Variants in VPS13D observed in about 807,000 individuals in gnomAD.
The protein encoded by VPS13D is intermembrane lipid transfer protein VPS13D.
A neutral mutation model predicts 461.9 loss-of-function variants in VPS13D; 187 were observed. The observed-to-expected ratio is 0.40, with a 90% CI of 0.36 to 0.46. VPS13D has a LOEUF of 0.46. Ranked by LOEUF, VPS13D falls within the 20% of genes least tolerant of loss-of-function variation. The pLI, the probability that VPS13D is intolerant of heterozygous loss-of-function variation, is 0.60. For synonymous variants in VPS13D, 1,951 were observed against 1,986.3 expected (o/e 0.98, Z 0.47); for missense variants, 4,711 against 5,364.9 (o/e 0.88, Z 3.81).
Position 12,279,052 on chromosome 1 carries a change from AT to A in VPS13D, c.4451-446del, listed in dbSNP as rs1418870271. Among the ~76,000 whole-genome samples, 18 of 152,302 alleles carry A rather than the reference AT, an allele frequency of 1.2e-4. No individual in the cohort carries two copies. Among genetic ancestry groups the A allele is most frequent in the African/African-American group, 3.4e-4 (14 of 41,568 alleles). On this transcript the variant is annotated intron_variant, in intron 19 of 69. Coordinates refer to ENST00000620676, the MANE Select transcript of VPS13D (RefSeq NM_015378.4). This position sits in a 1 kb window ranked among gnomAD's most constrained non-coding sequence, Gnocchi z 4.3. ...TCAAAAGATAGCTTTCTCTGCTTGG[AT>A]AAAAGTTGTTTACTTAGAACTTGTA... is the stretch of plus-strand genomic sequence containing the variant.
chr1:12,459,482 C>CTTTT (rs869264869), intron 66 of VPS13D, among the ~76,000 whole-genome samples: 6 of 131,356 alleles, frequency 4.6e-5, no homozygotes, highest in Admixed American at 7.6e-5. Context: ...CTTTTCTTTT[C>CTTTT]TTTTTTTTTT....
intron 5 of VPS13D, 82 bp downstream of exon 5, chr1:12,244,699 A>C: frequency 4.5e-6 from 6 of 1,339,614 alleles, no homozygotes; most frequent in Non-Finnish European, 6.3e-6. Context: ...TTAGTTTCTC[A>C]TTTCTCGTGG....
chr1:12,469,438 A>T (rs1452163893), intron 67 of VPS13D, among the ~76,000 whole-genome samples: 1 of 152,214 alleles, frequency 6.6e-6, no homozygotes, highest in African/African-American at 2.4e-5. Context: ...AAGACTTAAG[A>T]GATTTACAAA....
intron 26 of VPS13D, among the ~76,000 whole-genome samples, chr1:12,306,229 C>A (rs575362374): frequency 1.3e-5 from 2 of 152,266 alleles, no homozygotes; most frequent in South Asian, 2.1e-4. Context: ...CGTGATCCGC[C>A]CCGATTTCAC....
intron 17 of VPS13D, 30 bp downstream of exon 17, chr1:12,271,154 G>A (rs1374167022): frequency 6.2e-7 from 1 of 1,613,042 alleles, no homozygotes; most frequent in Non-Finnish European, 8.5e-7. Flanking sequence ...CACTCTTTGG[G>A]GATTGGGGAA....
chr1:12,320,291 G>A (rs1184885965), intron 32 of VPS13D, among the ~76,000 whole-genome samples: 1 of 152,174 alleles, frequency 6.6e-6, no homozygotes, highest in East Asian at 1.9e-4. Context: ...TTAAGCCATG[G>A]GGTGTGGAGA....
At chr1:12,341,127 A>G (rs1569951469) in intron 40 of VPS13D, among the ~76,000 whole-genome samples, 1 of 152,160 alleles carries the variant, frequency 6.6e-6, no homozygotes, top group Non-Finnish European at 1.5e-5. Context: ...TTTTTGTGCA[A>G]TGAAGCCATA....
intron 52 of VPS13D, among the ~76,000 whole-genome samples, chr1:12,364,823 C>A (rs1006994493): frequency 2.6e-5 from 4 of 152,098 alleles, no homozygotes; most frequent in Non-Finnish European, 5.9e-5. Context: ...CTGTTCAATT[C>A]CTTTGCCAAT....
At chr1:12,295,741 A>G (rs936084542) in intron 24 of VPS13D, among the ~76,000 whole-genome samples, 1 of 152,210 alleles carries the variant, frequency 6.6e-6, no homozygotes, top group African/African-American at 2.4e-5. Flanking sequence ...TAAGATGAAC[A>G]TCTGTGAACC....
chr1:12,309,631 G>A (rs569654586), intron 27 of VPS13D, among the ~76,000 whole-genome samples: 142 of 151,468 alleles, frequency 9.4e-4, no homozygotes, highest in African/African-American at 3.3e-3. Flanking sequence ...GCATGGTGGC[G>A]TGTGCCTGTA....
chr1:12,249,242 A>C lies in VPS13D; in HGVS notation c.467A>C (p.His156Pro). 1.2e-6 allele frequency: 2 copies of C among 1,613,406 alleles called. No homozygotes were observed. Among genetic ancestry groups the C allele is most frequent in the Non-Finnish European group, 1.7e-6 (2 of 1,179,798 alleles). Residue 156 changes from histidine (H) to proline (P), a missense_variant, in exon 6 of 70, where the codon CAT becomes CCT. Physicochemically the swap from His to Pro is moderately conservative, Grantham distance 77. Around this residue, in one of 3 missense-constraint regions of VPS13D, gnomAD observed 4,411 missense variants for 4,937.8 expected, o/e 0.89. Coordinates refer to ENST00000620676, the MANE Select transcript of VPS13D (RefSeq NM_015378.4). ...TTGCAGTTAAAAATTCAAGATGTCC[A>C]TTTACGCTTTGAAGATGGTGTCACC... ...ENIELKIQDV[H>P]LRFEDGVTNP...
At chr1:12,372,118 A>G (rs763354025) in intron 54 of VPS13D, among the ~76,000 whole-genome samples, 4 of 152,092 alleles carry the variant, frequency 2.6e-5, no homozygotes, top group African/African-American at 4.8e-5. Flanking sequence ...CAGTGGCACA[A>G]TCTTGGCCTG....
At chr1:12,393,996 G>A (rs1644462716) in intron 60 of VPS13D, among the ~76,000 whole-genome samples, 1 of 152,182 alleles carries the variant, frequency 6.6e-6, no homozygotes, top group Non-Finnish European at 1.5e-5. Flanking sequence ...CGTCAGCTCA[G>A]AGCCAGTGTC....
At chr1:12,246,200 G>A (rs938036014) in intron 5 of VPS13D, among the ~76,000 whole-genome samples, 7 of 152,144 alleles carry the variant, frequency 4.6e-5, no homozygotes, top group Non-Finnish European at 8.8e-5. Flanking sequence ...AACTGTGTCC[G>A]CTGGCAGTGA....
At chr1:12,440,602 G>A (rs1026945834) in intron 65 of VPS13D, among the ~76,000 whole-genome samples, 8 of 152,172 alleles carry the variant, frequency 5.3e-5, no homozygotes, top group African/African-American at 1.9e-4. Flanking sequence ...GAGGCCAGGC[G>A]CGGTGGCTCA....
At chr1:12,425,159 T>A (rs979144542) in intron 65 of VPS13D, among the ~76,000 whole-genome samples, 2 of 152,144 alleles carry the variant, frequency 1.3e-5, no homozygotes, top group African/African-American at 2.4e-5. Flanking sequence ...TCTTTCTACC[T>A]TATAATTGTT....
At chr1:12,499,782 G>A (rs1461972940) in intron 68 of VPS13D, 8 of 985,204 alleles carry the variant, frequency 8.1e-6, no homozygotes, top group Middle Eastern at 5.2e-4. Flanking sequence ...GGAGTGTGTC[G>A]CATGTTCCTC....
chr1:12,339,743 A>G (rs1320038057), intron 40 of VPS13D, among the ~76,000 whole-genome samples: 2 of 152,216 alleles, frequency 1.3e-5, no homozygotes, highest in African/African-American at 4.8e-5. Context: ...CCTCAGAGAA[A>G]TGGGTTATTG....
At chr1:12,369,159 G>T (rs1473266292) in intron 53 of VPS13D, among the ~76,000 whole-genome samples, 2 of 152,094 alleles carry the variant, frequency 1.3e-5, no homozygotes, top group South Asian at 4.1e-4. Context: ...GCTCCCCTTA[G>T]ATATTTGACT....
Sources: gnomAD v4.1 joint callset for allele counts (sites outside exome capture counted in the v4.1 genomes callset) on GRCh38, gnomAD v4.1.1 for gene constraint, gnomAD v4.1.1 regional missense constraint, Gnocchi (gnomAD v3.1) non-coding constraint, MANE v1.5 for transcripts, NCBI Gene and HGNC (gene_info 2026-07-23, HGNC 2026-07-21) for gene names.